CCDC192: variants seen among roughly 807,000 people sequenced by gnomAD.
CCDC192 encodes coiled-coil domain containing 192.
At chr5:127,801,393 A>G (rs1561496378) in intron 5 of CCDC192, among the ~76,000 whole-genome samples, 5 of 151,984 alleles carry the variant, frequency 3.3e-5, no homozygotes, top group African/African-American at 1.2e-4. Context: ...CCTGACCTCT[A>G]TAAGAGTCTC....
At chr5:127,921,545 A>T (rs1753721312) in intron 6 of CCDC192, among the ~76,000 whole-genome samples, 1 of 152,260 alleles carries the variant, frequency 6.6e-6, no homozygotes, top group Non-Finnish European at 1.5e-5. Flanking sequence ...GTTAAGTATT[A>T]AAATAGTCTA....
chr5:127,777,242 T>C (rs1755922396), intron 3 of CCDC192, among the ~76,000 whole-genome samples: 1 of 152,248 alleles, frequency 6.6e-6, no homozygotes, highest in African/African-American at 2.4e-5. Flanking sequence ...TAGCATGACC[T>C]GGATGTGAGA....
intron 5 of CCDC192, among the ~76,000 whole-genome samples, chr5:127,808,519 C>T (rs997355185): frequency 6.6e-6 from 1 of 152,140 alleles, no homozygotes; most frequent in African/African-American, 2.4e-5. Flanking sequence ...TCTCCTGATA[C>T]TCTCCCGCTA....
intron 5 of CCDC192, among the ~76,000 whole-genome samples, chr5:127,846,504 T>C (rs1356057702): frequency 6.6e-6 from 1 of 151,996 alleles, no homozygotes; most frequent in Admixed American, 6.6e-5. Context: ...AGTTTCACTC[T>C]TGTCACCTAG....
chr5:127,826,136 T>C (rs1268480816), intron 5 of CCDC192, among the ~76,000 whole-genome samples: 3 of 152,116 alleles, frequency 2.0e-5, no homozygotes, highest in Non-Finnish European at 4.4e-5. Flanking sequence ...TCTTTTTCAA[T>C]TGGAAAGGTG....
intron 6 of CCDC192, among the ~76,000 whole-genome samples, chr5:127,908,716 C>T (rs1413014078): frequency 6.6e-6 from 1 of 152,028 alleles, no homozygotes; most frequent in Non-Finnish European, 1.5e-5. Context: ...TTCCTTTTGT[C>T]ATTAAGTGTA....
At chr5:127,909,375 T>C (rs925907228) in intron 6 of CCDC192, among the ~76,000 whole-genome samples, 11 of 152,144 alleles carry the variant, frequency 7.2e-5, no homozygotes. Flanking sequence ...CCCTTGCTAC[T>C]ATGCAAGAAT....
At chr5:127,892,413 A>G (rs1198740353) in intron 6 of CCDC192, among the ~76,000 whole-genome samples, 1 of 152,226 alleles carries the variant, frequency 6.6e-6, no homozygotes, top group Admixed American at 6.5e-5. Flanking sequence ...AGATGTAGTT[A>G]TTTCTAAATT....
rs1312366231 is a variant in CCDC192, at chr5:127,880,371, A to G, written c.535+4710A>G. Among the ~76,000 whole-genome samples, 3 of 149,546 alleles carry G rather than the reference A, an allele frequency of 2.0e-5. No individual in the cohort carries two copies. The East Asian group carries it at 6.0e-4, about 30-fold the overall frequency. On this transcript the variant is annotated intron_variant, in intron 6 of 6. Transcript: ENST00000514853. ...CCAAGAACAAAAAACCAAACACTGC[A>G]TATTCTCACTCATAGGTGGGAATTG...
At chr5:127,911,031 T>A (rs17164526) in intron 6 of CCDC192, among the ~76,000 whole-genome samples, 31,864 of 152,188 alleles carry the variant, frequency 0.21, 3,475 homozygotes, top group East Asian at 0.32. Context: ...CCTTCAAACT[T>A]TGTAAACAAT....
chr5:127,794,986 T>C (rs1348459461), intron 3 of CCDC192, among the ~76,000 whole-genome samples: 1 of 152,172 alleles, frequency 6.6e-6, no homozygotes, highest in East Asian at 1.9e-4. Flanking sequence ...AGATATTTTG[T>C]TTTTGTTTTA....
intron 3 of CCDC192, among the ~76,000 whole-genome samples, chr5:127,756,132 C>G (rs1415141339): frequency 1.4e-5 from 2 of 141,676 alleles, no homozygotes; most frequent in African/African-American, 2.8e-5. Flanking sequence ...GACTCTGTCT[C>G]AAAGAAAAAA....
chr5:127,753,098 G>A (rs1754326381), intron 2 of CCDC192, among the ~76,000 whole-genome samples: 2 of 152,130 alleles, frequency 1.3e-5, no homozygotes, highest in South Asian at 4.1e-4. Context: ...TGGGAGCTGT[G>A]GACCGGAGCT....
At chr5:127,894,349 C>T (rs528712791) in intron 6 of CCDC192, among the ~76,000 whole-genome samples, 25 of 151,972 alleles carry the variant, frequency 1.6e-4, no homozygotes, top group Admixed American at 1.4e-3. Context: ...CCTGCCACCA[C>T]GCCTGGCTAA....
intron 3 of CCDC192, among the ~76,000 whole-genome samples, chr5:127,764,762 C>T (rs1417858848): frequency 1.3e-5 from 2 of 152,028 alleles, no homozygotes; most frequent in Non-Finnish European, 2.9e-5. Context: ...CACAAAAAAC[C>T]TCATACTGTT....
chr5:127,814,103 G>A (rs1758227839), intron 5 of CCDC192, among the ~76,000 whole-genome samples: 1 of 152,150 alleles, frequency 6.6e-6, no homozygotes, highest in Non-Finnish European at 1.5e-5. Flanking sequence ...GGATTAAAAG[G>A]AAAAGCAGGA....
At chr5:127,753,269 T>G (rs892244359) in intron 2 of CCDC192, among the ~76,000 whole-genome samples, 1 of 152,226 alleles carries the variant, frequency 6.6e-6, no homozygotes, top group African/African-American at 2.4e-5. Context: ...CTTTTCATAT[T>G]TCTTTCTAAT....
intron 3 of CCDC192, chr5:127,785,775 A>G: frequency 7.8e-6 from 2 of 256,400 alleles, no homozygotes; most frequent in Admixed American, 4.4e-5. Context: ...AACGAGTCAT[A>G]GTATTGAGCC....
At chr5:127,883,914 G>C (rs1026982157) in intron 6 of CCDC192, among the ~76,000 whole-genome samples, 1 of 152,122 alleles carries the variant, frequency 6.6e-6, no homozygotes, top group South Asian at 2.1e-4. Context: ...GCTGAACCGC[G>C]GGCTTTCTAG....
Sources: gnomAD v4.1 joint callset for allele counts (sites outside exome capture counted in the v4.1 genomes callset) on GRCh38, gnomAD v4.1.1 for gene constraint, MANE v1.5 for transcripts, NCBI Gene and HGNC (gene_info 2026-07-23, HGNC 2026-07-21) for gene names.